The following ZFHX3 variants were observed in gnomAD, a reference collection of about 807,000 sequenced individuals.
ZFHX3 encodes the protein zinc finger homeobox protein 3.
ZFHX3 carries 42 observed loss-of-function variants against 279.1 expected under a neutral mutation model. That is an observed-to-expected ratio of 0.15 (90% CI 0.12 to 0.19). ZFHX3 has a LOEUF of 0.19. ZFHX3 is among the 10% of genes least tolerant of loss of function. The pLI is 1.00. For synonymous variants in ZFHX3, 2,293 were observed against 1,957.8 expected, an observed-to-expected ratio of 1.17 and a Z score of -4.52; for missense variants, 4,981 against 4,754.0, an observed-to-expected ratio of 1.05 and a Z score of -1.40.
chr16:73,709,931 C>T (rs2053342340), intron 1 of ZFHX3, among the ~76,000 whole-genome samples: 1 of 152,168 alleles, frequency 6.6e-6, no homozygotes, highest in South Asian at 2.1e-4. Context: ...CCTGTAATCC[C>T]AGCACTTTGG....
At chr16:73,234,119 G>C (rs1466491695) in intron 5 of ZFHX3, 1 of 152,428 alleles carries the variant, frequency 6.6e-6, no homozygotes. Flanking sequence ...GTGTCTCTCC[G>C]AGAGGGAGGG....
intron 5 of ZFHX3, among the ~76,000 whole-genome samples, chr16:73,213,504 A>G (rs1426089216): frequency 6.6e-6 from 1 of 152,200 alleles, no homozygotes; most frequent in Non-Finnish European, 1.5e-5. Flanking sequence ...GCAATATAAT[A>G]TGATAATTAC....
intron 1 of ZFHX3, among the ~76,000 whole-genome samples, chr16:72,977,688 AG>A (rs973961711): frequency 6.6e-6 from 1 of 152,040 alleles, no homozygotes; most frequent in Non-Finnish European, 1.5e-5. Flanking sequence ...GGAAAAAAAA[AG>A]CAAAAGCCAC....
intron 2 of ZFHX3, among the ~76,000 whole-genome samples, chr16:73,542,234 T>C (rs2020029926): frequency 6.6e-6 from 1 of 151,916 alleles, no homozygotes; most frequent in Non-Finnish European, 1.5e-5. Context: ...GTGGGAAGGC[T>C]GACTGCTCAC....
chr16:73,143,768 A>G (rs1966853660), exon 6 of ZFHX3: 3 of 1,305,726 alleles, frequency 2.3e-6, no homozygotes, highest in African/African-American at 1.5e-5. Flanking sequence ...AATTCCGGCA[A>G]AGCTGGACAC....
At chr16:73,667,341 C>T (rs2052853799) in intron 2 of ZFHX3, among the ~76,000 whole-genome samples, 1 of 152,168 alleles carries the variant, frequency 6.6e-6, no homozygotes, top group Admixed American at 6.5e-5. Flanking sequence ...TGGACGGTTT[C>T]CAGGTTTTGG....
chr16:73,850,517 G>A (rs1038410029), intron 1 of ZFHX3, among the ~76,000 whole-genome samples: 17 of 152,190 alleles, frequency 1.1e-4, no homozygotes, highest in Admixed American at 1.1e-3. Flanking sequence ...AACTCTCGGG[G>A]AAAAGGGAGT....
intron 1 of ZFHX3, among the ~76,000 whole-genome samples, chr16:73,734,928 ATTATT>A (rs1382605674): frequency 6.6e-6 from 1 of 152,218 alleles, no homozygotes; most frequent in Non-Finnish European, 1.5e-5. Flanking sequence ...ACTGATATGT[ATTATT>A]TTATTTTCCA....
intron 5 of ZFHX3, among the ~76,000 whole-genome samples, chr16:73,196,709 A>C (rs534935191): frequency 6.6e-6 from 1 of 152,304 alleles, no homozygotes; most frequent in East Asian, 1.9e-4. Context: ...CACTCCTTAT[A>C]ATGACATCTA....
At chr16:73,713,375 C>T (rs1019287561) in intron 1 of ZFHX3, among the ~76,000 whole-genome samples, 1 of 152,168 alleles carries the variant, frequency 6.6e-6, no homozygotes, top group African/African-American at 2.4e-5. Context: ...GGTCTTTCCC[C>T]AGCAGACACA....
chr16:73,865,753 G>A (rs142527814), intron 1 of ZFHX3, among the ~76,000 whole-genome samples: 6 of 151,758 alleles, frequency 4.0e-5, no homozygotes, highest in African/African-American at 1.5e-4. Flanking sequence ...GCCCAGGCAG[G>A]CAGATCACAA....
chr16:72,993,868 TC>T (rs1963182325), intron 1 of ZFHX3, among the ~76,000 whole-genome samples: 1 of 152,024 alleles, frequency 6.6e-6, no homozygotes, highest in Non-Finnish European at 1.5e-5. Context: ...TGCTGCCCGA[TC>T]CCCCAATGCA....
chr16:73,507,824 T>A (rs1170542738), intron 2 of ZFHX3, among the ~76,000 whole-genome samples: 1 of 152,062 alleles, frequency 6.6e-6, no homozygotes, highest in Non-Finnish European at 1.5e-5. Context: ...ACCTGGGAGA[T>A]TACAGACAAA....
chr16:73,183,297 T>C (rs1375423056), intron 5 of ZFHX3, among the ~76,000 whole-genome samples: 1 of 152,206 alleles, frequency 6.6e-6, no homozygotes. Flanking sequence ...GTGTGATATA[T>C]GCATGTAGGA....
chr16:72,947,237 A>T (rs145985453), intron 3 of ZFHX3, among the ~76,000 whole-genome samples: 20 of 151,514 alleles, frequency 1.3e-4, no homozygotes, highest in Admixed American at 2.6e-4. Context: ...TACTTCCAGG[A>T]GGTGCAAAAG....
intron 3 of ZFHX3, among the ~76,000 whole-genome samples, chr16:73,418,350 GA>G (rs2017639276): frequency 6.6e-6 from 1 of 152,000 alleles, no homozygotes; most frequent in South Asian, 2.1e-4. Flanking sequence ...TCAACTCCCA[GA>G]AGCTACCTGG....
chr16:73,862,887 A>G (rs1322675515), intron 1 of ZFHX3, among the ~76,000 whole-genome samples: 1 of 152,174 alleles, frequency 6.6e-6, no homozygotes, highest in African/African-American at 2.4e-5. Flanking sequence ...TCTCCAGAAG[A>G]TTCGTGGTTC....
intron 1 of ZFHX3, among the ~76,000 whole-genome samples, chr16:73,773,628 G>T (rs1483594477): frequency 6.6e-6 from 1 of 152,208 alleles, no homozygotes; most frequent in Non-Finnish European, 1.5e-5. Flanking sequence ...ATCCGGGAAG[G>T]CCTGTCTCAG....
intron 5 of ZFHX3, among the ~76,000 whole-genome samples, chr16:73,196,298 A>G (rs1192230542): frequency 6.6e-6 from 1 of 151,658 alleles, no homozygotes; most frequent in Non-Finnish European, 1.5e-5. Context: ...GGTGGTGGGG[A>G]GGGCCAGATT....
Sources: gnomAD v4.1 joint callset for allele counts (sites outside exome capture counted in the v4.1 genomes callset) on GRCh38, gnomAD v4.1.1 for gene constraint, MANE v1.5 for transcripts, NCBI Gene and HGNC (gene_info 2026-07-23, HGNC 2026-07-21) for gene names.